The following HERC3 variants were observed in gnomAD, a reference collection of about 807,000 sequenced individuals.
HERC3 encodes HECT and RLD domain containing E3 ubiquitin protein ligase 3.
A neutral mutation model predicts 129.9 loss-of-function variants in HERC3; 58 were observed. The ratio of observed to expected loss-of-function variants is 0.45; its 90% confidence interval spans 0.36 to 0.56. HERC3 has a LOEUF of 0.56. Among genes scored for constraint, HERC3 ranks in the 20% least tolerant of loss-of-function variants. HERC3 has a pLI of 0.00. For missense variants in HERC3, 835 were observed against 1,244.2 expected, an observed-to-expected ratio of 0.67 and a Z score of 4.95; for synonymous variants, 430 against 451.0, an observed-to-expected ratio of 0.95 and a Z score of 0.59.
chr4:88,597,079 T>G (rs1424376467), intron 2 of HERC3, among the ~76,000 whole-genome samples: 1 of 152,228 alleles, frequency 6.6e-6, no homozygotes, highest in Non-Finnish European at 1.5e-5. Context: ...TGGATATTTG[T>G]TTTTTGTTTT....
At chr4:88,662,995 A>T (rs935068095) in intron 11 of HERC3, among the ~76,000 whole-genome samples, 1 of 147,828 alleles carries the variant, frequency 6.8e-6, no homozygotes, top group African/African-American at 2.6e-5. Flanking sequence ...ATTCAGAGTC[A>T]TGTAGAAAAA....
At chr4:88,690,243 C>T (rs1320400701) in intron 23 of HERC3, 2 of 977,776 alleles carry the variant, frequency 2.0e-6, no homozygotes, top group East Asian at 1.1e-4. Flanking sequence ...ATGTTTATTT[C>T]CTTAATAAGA....
the HERC3 span, among the ~76,000 whole-genome samples, chr4:88,581,734 G>A: frequency 6.6e-6 from 1 of 152,154 alleles, no homozygotes; most frequent in Non-Finnish European, 1.5e-5. Context: ...TTACAGGCAT[G>A]AGCCACTGCC....
chr4:88,617,874 G>GAA (rs1330356544), intron 3 of HERC3, among the ~76,000 whole-genome samples: 3 of 141,306 alleles, frequency 2.1e-5, no homozygotes, highest in Non-Finnish European at 3.1e-5. Context: ...CCGTCTAAAG[G>GAA]AAAAAAAAAG....
At chr4:88,604,399 AT>A (rs1328278741) in intron 2 of HERC3, among the ~76,000 whole-genome samples, 7 of 152,202 alleles carry the variant, frequency 4.6e-5, no homozygotes, top group Admixed American at 2.0e-4. Flanking sequence ...CACAACCTAA[AT>A]TTAGAACATT....
chr4:88,657,470 CT>C (rs893246007), intron 9 of HERC3: 15 of 152,280 alleles, frequency 9.9e-5, no homozygotes, highest in African/African-American at 3.6e-4. Context: ...TTTGTAAATT[CT>C]TTTCTCCAAG....
chr4:88,658,200 G>A, intron 9 of HERC3: 1 of 358,850 alleles, frequency 2.8e-6, no homozygotes, highest in Non-Finnish European at 5.0e-6. Context: ...GGCAGAAGAA[G>A]AGTTAGAGTG....
chr4:88,619,277 C>CT (rs1725254378), intron 3 of HERC3, among the ~76,000 whole-genome samples: 2 of 152,208 alleles, frequency 1.3e-5, no homozygotes, highest in Admixed American at 1.3e-4. Flanking sequence ...TACTAGGACA[C>CT]TTTGACTTAT....
chr4:88,663,818 T>C (rs1730760592), intron 11 of HERC3, among the ~76,000 whole-genome samples: 1 of 152,212 alleles, frequency 6.6e-6, no homozygotes, highest in Non-Finnish European at 1.5e-5. Flanking sequence ...TCTTTTTTGG[T>C]TTTATTCTGT....
At chr4:88,551,441 A>G in the HERC3 span, among the ~76,000 whole-genome samples, 1 of 147,764 alleles carries the variant, frequency 6.8e-6, no homozygotes, top group African/African-American at 2.6e-5. Flanking sequence ...TTACAAGAAA[A>G]AAACAAACAA....
rs1454948399 is a variant in HERC3, at chr4:88,681,344, A to G, written c.2507+19A>G. ...AAGGAAGGTACAAAGCTAAAAGGCG[A>G]TTGGTATCTGAAACTGTTGTGGCTG... On this transcript the variant is annotated intron_variant, in intron 21 of 25. Transcript: ENST00000402738. 6.2e-7 allele frequency: 1 copy of G among 1,600,038 alleles called. No individual in the cohort carries two copies. Among genetic ancestry groups the G allele is most frequent in the Non-Finnish European group, 8.5e-7 (1 of 1,173,606 alleles).
At chr4:88,648,127 AT>A (rs1218588616) in intron 3 of HERC3, among the ~76,000 whole-genome samples, 2 of 151,540 alleles carry the variant, frequency 1.3e-5, no homozygotes, top group Admixed American at 6.6e-5. Context: ...ACTGACTTTA[AT>A]TTTTTTTTCC....
Position 88,623,490 on chromosome 4 carries a change from C to T in HERC3, c.226+17441C>T, listed in dbSNP as rs117109940. ...TGAATGAATGAATAGCTCATTATCA[C>T]TCAAGGCACATCTTGGATATTACCT... On this transcript the variant is annotated intron_variant, in intron 3 of 25. Coordinates refer to ENST00000402738, the MANE Select transcript of HERC3 (RefSeq NM_014606.3). 5.4e-4 allele frequency among the ~76,000 whole-genome samples: 83 copies of T among 152,350 alleles called. 1 individual carries two copies. The East Asian group carries it at 0.012, about 22-fold the overall frequency.
the HERC3 span, among the ~76,000 whole-genome samples, chr4:88,584,410 A>G: frequency 6.6e-6 from 1 of 152,198 alleles, no homozygotes. Context: ...TGCACGTTCC[A>G]TTCCAGGTAT....
At chr4:88,650,864 C>T (rs907727989) in intron 4 of HERC3, among the ~76,000 whole-genome samples, 1 of 152,220 alleles carries the variant, frequency 6.6e-6, no homozygotes, top group Non-Finnish European at 1.5e-5. Flanking sequence ...ATGGCCTCTC[C>T]TCCTCTGCCT....
chr4:88,697,607 G>T, intron 23 of HERC3: 1 of 1,613,890 alleles, frequency 6.2e-7, no homozygotes, highest in South Asian at 1.1e-5. Context: ...TCAGCCATCT[G>T]ACCAGCCGCG....
the HERC3 span, among the ~76,000 whole-genome samples, chr4:88,568,060 G>A: frequency 6.6e-6 from 1 of 152,236 alleles, no homozygotes; most frequent in African/African-American, 2.4e-5. Context: ...TAGTGGTCTT[G>A]TGTAAGATAA....
chr4:88,694,997 A>ATGTTT (rs1734449972), intron 23 of HERC3, among the ~76,000 whole-genome samples: 1 of 152,164 alleles, frequency 6.6e-6, no homozygotes, highest in Non-Finnish European at 1.5e-5. Context: ...ATTTCCCAAT[A>ATGTTT]CTTATGCCTC....
chr4:88,622,348 G>C (rs1360690014), intron 3 of HERC3, among the ~76,000 whole-genome samples: 1 of 152,178 alleles, frequency 6.6e-6, no homozygotes, highest in Non-Finnish European at 1.5e-5. Context: ...ATATCCCATT[G>C]TATGGATATA....
Sources: allele counts gnomAD v4.1 joint callset (sites outside exome capture counted in the v4.1 genomes callset), GRCh38; gene constraint gnomAD v4.1.1; transcripts MANE v1.5; gene names NCBI Gene and HGNC (gene_info 2026-07-23, HGNC 2026-07-21).